The following KCNK10 variants were observed in gnomAD, a reference collection of about 807,000 sequenced individuals.
KCNK10 encodes potassium channel subfamily K member 10.
In KCNK10, 25 loss-of-function variants were observed where a neutral mutation model predicts 47.7. The observed-to-expected ratio is 0.52, with a 90% CI of 0.38 to 0.73. The LOEUF is 0.73. Ranked by LOEUF, KCNK10 falls within the 30% of genes least tolerant of loss-of-function variation. The pLI, the probability that KCNK10 is intolerant of heterozygous loss-of-function variation, is 0.00. For missense variants in KCNK10, 563 were observed against 714.5 expected (o/e 0.79, Z 2.42); for synonymous variants, 303 against 285.6 (o/e 1.06, Z -0.61).
At chr14:88,308,256 G>T (rs1376199712) in intron 1 of KCNK10, among the ~76,000 whole-genome samples, 1 of 152,166 alleles carries the variant, frequency 6.6e-6, no homozygotes, top group Non-Finnish European at 1.5e-5. Flanking sequence ...CAGCCACTCA[G>T]CTGAGAGTCC....
intron 4 of KCNK10, among the ~76,000 whole-genome samples, chr14:88,209,687 C>T (rs1355474524): frequency 6.6e-6 from 1 of 152,188 alleles, no homozygotes; most frequent in Non-Finnish European, 1.5e-5. Context: ...CTCCACTTCT[C>T]CAGCCCCACC....
intron 1 of KCNK10, among the ~76,000 whole-genome samples, chr14:88,308,223 G>T (rs1470144328): frequency 2.0e-5 from 3 of 152,190 alleles, no homozygotes; most frequent in Non-Finnish European, 4.4e-5. Flanking sequence ...GATACTGGAA[G>T]GATGGCTCCT....
intron 4 of KCNK10, among the ~76,000 whole-genome samples, chr14:88,222,538 T>C (rs1885850927): frequency 6.6e-6 from 1 of 152,140 alleles, no homozygotes; most frequent in African/African-American, 2.4e-5. Flanking sequence ...TAATGTAAAC[T>C]ATGGACTCTA....
At chr14:88,293,153 C>T (rs1887915535) in intron 1 of KCNK10, among the ~76,000 whole-genome samples, 1 of 152,146 alleles carries the variant, frequency 6.6e-6, no homozygotes, top group Non-Finnish European at 1.5e-5. Flanking sequence ...GGTTTGTACT[C>T]TCAAGAAGGC....
At chr14:88,199,717 A>T (rs1370862850) in intron 4 of KCNK10, among the ~76,000 whole-genome samples, 1 of 152,244 alleles carries the variant, frequency 6.6e-6, no homozygotes, top group Non-Finnish European at 1.5e-5. Context: ...GAAAGTTGTC[A>T]TATGATCCCT....
intron 4 of KCNK10, among the ~76,000 whole-genome samples, chr14:88,207,804 C>CT (rs1160853149): frequency 6.6e-6 from 1 of 152,052 alleles, no homozygotes; most frequent in Non-Finnish European, 1.5e-5. Flanking sequence ...TGCCCACCAT[C>CT]AATACAGTGA....
At chr14:88,206,297 G>A (rs183386901) in intron 4 of KCNK10, among the ~76,000 whole-genome samples, 2 of 152,320 alleles carry the variant, frequency 1.3e-5, no homozygotes, top group East Asian at 3.9e-4. Flanking sequence ...CGTTTGGCAT[G>A]TACTGGGAGG....
chr14:88,256,371 C>T (rs895739003), intron 2 of KCNK10, among the ~76,000 whole-genome samples: 4 of 152,154 alleles, frequency 2.6e-5, no homozygotes, highest in South Asian at 2.1e-4. Context: ...CTGAGCCCAC[C>T]GGGTCCCTCA....
At chr14:88,257,496 G>A (rs1457066374) in intron 2 of KCNK10, among the ~76,000 whole-genome samples, 1 of 152,194 alleles carries the variant, frequency 6.6e-6, no homozygotes, top group Non-Finnish European at 1.5e-5. Flanking sequence ...CCAGCCATTG[G>A]GATACCCTCC....
intron 4 of KCNK10, among the ~76,000 whole-genome samples, chr14:88,194,509 T>C (rs1401000205): frequency 1.3e-5 from 2 of 152,170 alleles, no homozygotes; most frequent in Non-Finnish European, 2.9e-5. Context: ...GTGAGATGCT[T>C]GTTAAGTCAT....
chr14:88,251,268 A>T (rs1215277815), intron 2 of KCNK10, among the ~76,000 whole-genome samples: 1 of 151,914 alleles, frequency 6.6e-6, no homozygotes, highest in African/African-American at 2.4e-5. Flanking sequence ...AGACACAAAA[A>T]GCACCATTCC....
At chr14:88,223,874 A>G (rs1485580715) in intron 4 of KCNK10, among the ~76,000 whole-genome samples, 1 of 152,008 alleles carries the variant, frequency 6.6e-6, no homozygotes, top group Non-Finnish European at 1.5e-5. Context: ...TTTGGTCTGT[A>G]CACCCGGCTT....
intron 1 of KCNK10, among the ~76,000 whole-genome samples, chr14:88,301,512 A>G (rs1009666924): frequency 6.6e-6 from 1 of 152,132 alleles, no homozygotes; most frequent in African/African-American, 2.4e-5. Context: ...AGAGACTCCT[A>G]ACAGTATGCT....
intron 5 of KCNK10, among the ~76,000 whole-genome samples, chr14:88,191,922 C>T (rs936331158): frequency 2.6e-5 from 4 of 152,182 alleles, no homozygotes; most frequent in African/African-American, 7.2e-5. Context: ...AGGTTTAATT[C>T]AATTCAGAAG....
intron 3 of KCNK10, among the ~76,000 whole-genome samples, chr14:88,230,969 A>G (rs1000764527): frequency 6.6e-6 from 1 of 152,156 alleles, no homozygotes; most frequent in African/African-American, 2.4e-5. Flanking sequence ...TGCTCTTTTC[A>G]AAGGCACAGG....
intron 1 of KCNK10, among the ~76,000 whole-genome samples, chr14:88,279,125 A>G (rs1332393230): frequency 6.6e-6 from 1 of 152,180 alleles, no homozygotes; most frequent in East Asian, 1.9e-4. Context: ...CCATTCAGTT[A>G]TCAACAGCTG....
intron 3 of KCNK10, among the ~76,000 whole-genome samples, chr14:88,236,851 T>C (rs1229531830): frequency 2.6e-5 from 4 of 152,246 alleles, no homozygotes; most frequent in South Asian, 2.1e-4. Context: ...CAAGTCATAA[T>C]GCTTTCGCTG....
intron 1 of KCNK10, among the ~76,000 whole-genome samples, chr14:88,297,519 G>A (rs1046576309): frequency 6.6e-6 from 1 of 152,174 alleles, no homozygotes; most frequent in African/African-American, 2.4e-5. Flanking sequence ...AGGAGACAGC[G>A]TTGGTGGTTT....
chr14:88,224,028 A>G (rs536604926), intron 4 of KCNK10, among the ~76,000 whole-genome samples: 1 of 152,308 alleles, frequency 6.6e-6, no homozygotes, highest in South Asian at 2.1e-4. Context: ...TTAAAAAAAA[A>G]AAAAAAGAAA....
Sources: allele counts gnomAD v4.1 joint callset (sites outside exome capture counted in the v4.1 genomes callset), GRCh38; gene constraint gnomAD v4.1.1; transcripts MANE v1.5; gene names NCBI Gene and HGNC (gene_info 2026-07-23, HGNC 2026-07-21).